The following SNRPF variants were observed in gnomAD, a reference collection of about 807,000 sequenced individuals.
SNRPF encodes small nuclear ribonucleoprotein F.
A neutral mutation model predicts 13.4 loss-of-function variants in SNRPF; 1 was observed. The observed-to-expected ratio is 0.07, with a 90% CI of 0.03 to 0.35. SNRPF has a LOEUF of 0.35. Ranked by LOEUF, SNRPF falls within the 10% of genes least tolerant of loss-of-function variation. SNRPF has a pLI of 0.99. For missense variants in SNRPF, 53 were observed against 101.0 expected (o/e 0.52, Z 2.04); for synonymous variants, 27 against 32.1 (o/e 0.84, Z 0.54).
intron 1 of SNRPF, 66 bp from the exon 2 acceptor site, chr12:95,861,102 C>T (rs17024787): frequency 0.16 from 225,691 of 1,455,440 alleles, 18,951 homozygotes; most frequent in African/African-American, 0.26. Context: ...ATTGGTGATT[C>T]GGTAGAAGAG....
At chr12:95,860,872 T>TTTTTC (rs1555225579) in intron 1 of SNRPF, among the ~76,000 whole-genome samples, 1 of 149,614 alleles carries the variant, frequency 6.7e-6, no homozygotes, top group South Asian at 2.1e-4. Context: ...TTTTTTTTTT[T>TTTTTC]AGTGCCTTTA....
chr12:95,860,583 G>A (rs924125321), intron 1 of SNRPF, among the ~76,000 whole-genome samples: 23 of 152,076 alleles, frequency 1.5e-4, no homozygotes, highest in African/African-American at 5.6e-4. Flanking sequence ...TAAGAGACAA[G>A]GTCTTGCTCT....
chr12:95,859,115 G>A, intron 1 of SNRPF, 39 bp downstream of exon 1: 8 of 1,561,804 alleles, frequency 5.1e-6, no homozygotes, highest in African/African-American at 1.4e-5. Context: ...CGGGGAGAAA[G>A]AGAAGGAGGG....
rs2079479539 is a variant in SNRPF, at chr12:95,859,050, C to G, written c.-24C>G. ...GGCGGCCTGGTCGGCAGAGAGTAGC[C>G]TGCAACATTCGGCCGTGGTTACGAT... On this transcript the variant is annotated 5_prime_UTR_variant, in exon 1 of 4. Transcript: ENST00000266735. The G allele has an allele frequency of 6.2e-6, 10 of 1,612,820 alleles. No homozygotes were observed. In the East Asian group the frequency reaches 2.2e-4, roughly 36 times the overall value.
In SNRPF at chr12:95,859,033, G is replaced by T; in HGVS notation, c.-41G>T. 6.2e-7 allele frequency: 1 copy of T among 1,611,172 alleles called. No individual in the cohort carries two copies. Among genetic ancestry groups the T allele is most frequent in the South Asian group, 1.1e-5 (1 of 90,228 alleles). Reference sequence around the variant, plus strand: ...AGTCACGAGGGACGGGCGGCGGCCTGGTCGGCAGAGAGTAGCCTGCAACAT... The same window carrying T: ...AGTCACGAGGGACGGGCGGCGGCCTTGTCGGCAGAGAGTAGCCTGCAACAT... On this transcript the variant is annotated 5_prime_UTR_variant, in exon 1 of 4. Coordinates refer to ENST00000266735, the MANE Select transcript of SNRPF (RefSeq NM_003095.5).
Position 95,861,158 on chromosome 12 carries a change from C to A in SNRPF, c.4-10C>A. On this transcript the variant is annotated splice_polypyrimidine_tract_variant and intron_variant, in intron 1 of 3. Transcript: ENST00000266735. ...ATAATTAATTAGATCCTTTTTTGTT[C>A]TTTGTGCAGAGTTTACCCCTCAATC... 1 of 1,591,276 alleles carries A rather than the reference C, an allele frequency of 6.3e-7. No homozygotes were observed. The highest frequency in any genetic ancestry group is 8.5e-7 in the Non-Finnish European group (1 of 1,172,000).
At chr12:95,860,006 C>T (rs1445776870) in intron 1 of SNRPF, among the ~76,000 whole-genome samples, 1 of 152,148 alleles carries the variant, frequency 6.6e-6, no homozygotes, top group Non-Finnish European at 1.5e-5. Flanking sequence ...CGAATATGCT[C>T]ATGTTAGAGG....
At chr12:95,859,584 G>C (rs2079484590) in intron 1 of SNRPF, among the ~76,000 whole-genome samples, 1 of 152,226 alleles carries the variant, frequency 6.6e-6, no homozygotes, top group African/African-American at 2.4e-5. Context: ...TCCCTAGGAG[G>C]TGGAATTTAA....
intron 1 of SNRPF, among the ~76,000 whole-genome samples, chr12:95,860,123 T>C (rs2079488117): frequency 6.6e-6 from 1 of 152,336 alleles, no homozygotes; most frequent in East Asian, 1.9e-4. Flanking sequence ...GCTGAATAAA[T>C]AGACATTAAG....
chr12:95,865,400 C>T lies in SNRPF; in HGVS notation c.194+12C>T, dbSNP rs1253526616. ...GAAGTTTTAATAAGGTAACAAACAG[C>T]AGTAGTATATGTAAGGAGTTACTGG... is the stretch of plus-strand genomic sequence containing the variant. On this transcript the variant is annotated intron_variant, in intron 3 of 3. Coordinates refer to ENST00000266735, the MANE Select transcript of SNRPF (RefSeq NM_003095.5). 1 of 1,358,000 alleles carries T rather than the reference C, an allele frequency of 7.4e-7. No homozygotes were observed. The highest frequency in any genetic ancestry group is 1.1e-6 in the Non-Finnish European group (1 of 949,008). The allele number at this position is 1,358,000 out of a possible 1,614,324, so 84.1% of individuals were successfully genotyped here.
At position 95,865,350 on chromosome 12, in the gene SNRPF, TG is replaced by T; in HGVS notation, c.158del (p.Gly53GlufsTer11). On this transcript the variant is annotated frameshift_variant, in exon 3 of 4. Coordinates refer to ENST00000266735, the MANE Select transcript of SNRPF (RefSeq NM_003095.5). LOFTEE classifies it high-confidence loss of function. ...QLANTEEYID[G>X]ALSGHLGEVL... ...TTGCAAATACAGAAGAATACATAGA[TG>T]GAGCTTTGTCTGGACATCTGGGTGA... is the stretch of plus-strand genomic sequence containing the variant. The T allele has an allele frequency of 6.4e-7, 1 of 1,566,762 alleles. No individual in the cohort carries two copies. Among genetic ancestry groups the T allele is most frequent in the Non-Finnish European group, 8.8e-7 (1 of 1,138,292 alleles).
intron 1 of SNRPF, among the ~76,000 whole-genome samples, chr12:95,859,796 G>A (rs994612153): frequency 5.9e-5 from 9 of 152,268 alleles, no homozygotes; most frequent in Admixed American, 2.0e-4. Flanking sequence ...GGACCTCTTA[G>A]GCTGTATTGG....
intron 2 of SNRPF, chr12:95,865,074 A>AT (rs1235984136): frequency 3.4e-6 from 1 of 289,866 alleles, no homozygotes; most frequent in Non-Finnish European, 6.4e-6. Context: ...AGAAAGAAAT[A>AT]TTACATAACC....
chr12:95,863,631 T>G (rs1565937176), intron 2 of SNRPF, among the ~76,000 whole-genome samples: 1 of 152,160 alleles, frequency 6.6e-6, no homozygotes, highest in Non-Finnish European at 1.5e-5. Context: ...GTTTATGGTT[T>G]AGTGGTGGGA....
chr12:95,861,552 C>A, intron 2 of SNRPF: 1 of 271,704 alleles, frequency 3.7e-6, no homozygotes, highest in Non-Finnish European at 7.0e-6. Context: ...ATAATAATAC[C>A]ATAAGGGAAA....
At chr12:95,864,904 A>G (rs1322075760) in intron 2 of SNRPF, among the ~76,000 whole-genome samples, 1 of 152,232 alleles carries the variant, frequency 6.6e-6, no homozygotes, top group Non-Finnish European at 1.5e-5. Flanking sequence ...CTGTTTCTTA[A>G]AAGACAGGAA....
intron 2 of SNRPF, 41 bp from the exon 3 acceptor site, chr12:95,865,283 C>T (rs1346565442): frequency 2.0e-6 from 2 of 988,290 alleles, no homozygotes; most frequent in Non-Finnish European, 3.2e-6. Context: ...TAATATTTTC[C>T]TCCTGTGTGA....
chr12:95,865,338 A>G lies in SNRPF; in HGVS notation c.144A>G (p.Glu48=), dbSNP rs1272241071. The G allele has an allele frequency of 6.5e-7, 1 of 1,548,404 alleles. No individual in the cohort carries two copies. Among genetic ancestry groups the G allele is most frequent in the South Asian group, 1.1e-5 (1 of 88,908 alleles). Reference sequence around the variant, plus strand: ...TTTATTGAAAGCTTGCAAATACAGAAGAATACATAGATGGAGCTTTGTCTG... The same window carrying G: ...TTTATTGAAAGCTTGCAAATACAGAGGAATACATAGATGGAGCTTTGTCTG... ...GYMNMQLANT[E]EYIDGALSGH... The change falls in exon 3 of 4, where the codon GAA becomes GAG. Residue 48 remains glutamate (E), a synonymous_variant. Coordinates refer to ENST00000266735, the MANE Select transcript of SNRPF (RefSeq NM_003095.5).
At chr12:95,860,562 T>C (rs1300693634) in intron 1 of SNRPF, among the ~76,000 whole-genome samples, 1 of 152,098 alleles carries the variant, frequency 6.6e-6, no homozygotes, top group African/African-American at 2.4e-5. Flanking sequence ...ACTCATTTAT[T>C]TATTTATTTA....
Sources: gnomAD v4.1 joint callset for allele counts (sites outside exome capture counted in the v4.1 genomes callset) on GRCh38, gnomAD v4.1.1 for gene constraint, MANE v1.5 for transcripts, NCBI Gene and HGNC (gene_info 2026-07-23, HGNC 2026-07-21) for gene names.